Variants in CDKAL1 observed in about 807,000 individuals in gnomAD.
CDKAL1 encodes CDKAL1 threonylcarbamoyladenosine tRNA methylthiotransferase.
Under a neutral mutation model 68.2 loss-of-function variants are expected in CDKAL1, and 32 were observed. That is an observed-to-expected ratio of 0.47 (90% confidence interval 0.35 to 0.63). The LOEUF is 0.63. Ranked by LOEUF, CDKAL1 falls within the 30% of genes least tolerant of loss-of-function variation. The pLI, the probability that CDKAL1 is intolerant of heterozygous loss-of-function variation, is 0.00. For missense variants in CDKAL1, 606 were observed against 696.7 expected, an observed-to-expected ratio of 0.87 and a Z score of 1.47; for synonymous variants, 234 against 244.3, an observed-to-expected ratio of 0.96 and a Z score of 0.39.
chr6:20,876,099 G>T (rs1406939733), intron 9 of CDKAL1, among the ~76,000 whole-genome samples: 1 of 152,250 alleles, frequency 6.6e-6, no homozygotes, highest in Non-Finnish European at 1.5e-5. Flanking sequence ...AATGTAGGCA[G>T]TGTTTTACCA....
At chr6:20,966,745 T>C (rs1765335123) in intron 10 of CDKAL1, among the ~76,000 whole-genome samples, 1 of 152,216 alleles carries the variant, frequency 6.6e-6, no homozygotes, top group Non-Finnish European at 1.5e-5. Flanking sequence ...AAAATATTTT[T>C]AAAAGCATAC....
At chr6:20,986,657 A>T (rs1315141968) in intron 10 of CDKAL1, among the ~76,000 whole-genome samples, 2 of 152,146 alleles carry the variant, frequency 1.3e-5, no homozygotes, top group Non-Finnish European at 2.9e-5. Flanking sequence ...TAATAAAAAA[A>T]AAAAAGTAAA....
intron 8 of CDKAL1, among the ~76,000 whole-genome samples, chr6:20,799,451 G>A (rs1009346134): frequency 3.3e-5 from 5 of 151,154 alleles, no homozygotes; most frequent in African/African-American, 1.2e-4. Flanking sequence ...AATATGCGAC[G>A]ATTAATAAGA....
chr6:21,087,256 G>T (rs746919856), intron 12 of CDKAL1, among the ~76,000 whole-genome samples: 6 of 152,196 alleles, frequency 3.9e-5, no homozygotes, highest in Non-Finnish European at 7.3e-5. Context: ...ACTCTATATG[G>T]GTTGTAACTG....
At chr6:20,780,889 G>T (rs1775397375) in intron 7 of CDKAL1, among the ~76,000 whole-genome samples, 1 of 151,978 alleles carries the variant, frequency 6.6e-6, no homozygotes, top group East Asian at 1.9e-4. Flanking sequence ...GATCAGGCTG[G>T]TCTCAAACTC....
chr6:20,864,286 G>A (rs1352734152), intron 9 of CDKAL1, among the ~76,000 whole-genome samples: 1 of 127,948 alleles, frequency 7.8e-6, no homozygotes, highest in Admixed American at 8.0e-5. Context: ...GCATTTTATT[G>A]TGTTTCTAGA....
rs561055859 is a variant in CDKAL1, at chr6:21,081,511, T to C, written c.1236+16283T>C. 5.0e-4 allele frequency among the ~76,000 whole-genome samples: 76 copies of C among 152,210 alleles called. 1 individual carries two copies. The South Asian group carries it at 0.014, about 29-fold the overall frequency. On this transcript the variant is annotated intron_variant, in intron 12 of 15. Transcript: ENST00000274695. ...TCATTTTTATTACATTAGTAACAAC[T>C]TTAGAAGTGAGTAGACTCTTGGAGT...
At chr6:21,106,972 C>T (rs1252483596) in intron 12 of CDKAL1, among the ~76,000 whole-genome samples, 5 of 131,518 alleles carry the variant, frequency 3.8e-5, no homozygotes, top group African/African-American at 1.5e-4. Context: ...GATGGAGTCT[C>T]GCTTTTTCGC....
At chr6:21,199,794 A>G (rs977284366) in intron 14 of CDKAL1, among the ~76,000 whole-genome samples, 2 of 152,216 alleles carry the variant, frequency 1.3e-5, no homozygotes, top group African/African-American at 4.8e-5. Context: ...TGGGCTTTTT[A>G]TATCCTAACA....
intron 4 of CDKAL1, among the ~76,000 whole-genome samples, chr6:20,648,506 ATCTT>A (rs1186763433): frequency 6.6e-6 from 1 of 151,776 alleles, no homozygotes; most frequent in Non-Finnish European, 1.5e-5. Context: ...TCTTATTTGA[ATCTT>A]TCTTCCTAGG....
At chr6:21,006,570 A>G (rs1260627535) in intron 11 of CDKAL1, among the ~76,000 whole-genome samples, 1 of 152,170 alleles carries the variant, frequency 6.6e-6, no homozygotes, top group Admixed American at 6.5e-5. Context: ...CCTTCTCTCC[A>G]TTGCTACTTT....
At chr6:20,874,487 TA>T (rs1760393542) in intron 9 of CDKAL1, among the ~76,000 whole-genome samples, 1 of 151,930 alleles carries the variant, frequency 6.6e-6, no homozygotes, top group Non-Finnish European at 1.5e-5. Flanking sequence ...TTTGTATTTT[TA>T]TTTTATTTAT....
At chr6:21,080,786 C>T (rs899006385) in intron 12 of CDKAL1, among the ~76,000 whole-genome samples, 5 of 152,062 alleles carry the variant, frequency 3.3e-5, no homozygotes, top group African/African-American at 1.2e-4. Flanking sequence ...AGACTAACTT[C>T]GGGATGGAGC....
At chr6:21,069,838 GTGC>G (rs1484141375) in intron 12 of CDKAL1, among the ~76,000 whole-genome samples, 1 of 125,768 alleles carries the variant, frequency 8.0e-6, no homozygotes, top group Non-Finnish European at 1.6e-5. Context: ...CCAGGCTGGA[GTGC>G]TGCAGTGGCG....
At chr6:21,079,974 C>CTGTGTGTGTGTGTG (rs1206773584) in intron 12 of CDKAL1, among the ~76,000 whole-genome samples, 20 of 20,434 alleles carry the variant, frequency 9.8e-4, no homozygotes, top group East Asian at 6.3e-3. Flanking sequence ...TCAACTTTGT[C>CTGTGTGTGTGTGTG]TCTGTGTGTG....
In CDKAL1 at chr6:21,000,251, C is replaced by G; in HGVS notation, c.934C>G (p.Pro312Ala). Residue 312 changes from proline (P) to alanine (A), a missense_variant, in exon 11 of 16, where the codon CCC becomes GCC. Coordinates refer to ENST00000274695, the MANE Select transcript of CDKAL1 (RefSeq NM_017774.3). ...LEEMAKILNH[P>A]RVYAFLHIPV... Reference sequence around the variant, plus strand: ...GGAAATGGCAAAAATCCTTAATCACCCCAGAGTCTACGCTTTTCTGCACAT... The same window carrying G: ...GGAAATGGCAAAAATCCTTAATCACGCCAGAGTCTACGCTTTTCTGCACAT... 1 of 1,613,394 alleles carries G rather than the reference C, an allele frequency of 6.2e-7. No individual in the cohort carries two copies. Among genetic ancestry groups the G allele is most frequent in the East Asian group, 2.2e-5 (1 of 44,854 alleles).
chr6:20,926,639 A>G (rs1041385689), intron 9 of CDKAL1, among the ~76,000 whole-genome samples: 5 of 152,050 alleles, frequency 3.3e-5, no homozygotes, highest in Non-Finnish European at 7.4e-5. Context: ...GCAATATATA[A>G]TTGCATCTGA....
chr6:20,609,231 T>C (rs1766467267), intron 4 of CDKAL1, among the ~76,000 whole-genome samples: 1 of 143,138 alleles, frequency 7.0e-6, no homozygotes, highest in Non-Finnish European at 1.5e-5. Context: ...TCTTCTTTCT[T>C]CCTTCTTCCT....
intron 10 of CDKAL1, among the ~76,000 whole-genome samples, chr6:20,999,610 T>G (rs1342721652): frequency 6.8e-6 from 1 of 146,104 alleles, no homozygotes; most frequent in Non-Finnish European, 1.5e-5. Flanking sequence ...GGCCTCACTG[T>G]CGGGTCATGT....
Sources: gnomAD v4.1 joint callset for allele counts (sites outside exome capture counted in the v4.1 genomes callset) on GRCh38, gnomAD v4.1.1 for gene constraint, MANE v1.5 for transcripts, NCBI Gene and HGNC (gene_info 2026-07-23, HGNC 2026-07-21) for gene names.